Variants in NPAS3 observed in about 807,000 individuals in gnomAD.
NPAS3 encodes the protein neuronal PAS domain protein 3, also known as neuronal PAS domain-containing protein 3.
A neutral mutation model predicts 73.1 loss-of-function variants in NPAS3; 14 were observed. The ratio of observed to expected loss-of-function variants is 0.19; its 90% CI spans 0.13 to 0.30. The LOEUF (loss-of-function observed/expected upper bound fraction) is 0.30, where lower values mean the gene tolerates loss of function less well. Among genes scored for constraint, NPAS3 ranks in the 10% least tolerant of loss-of-function variants. The pLI, the probability that NPAS3 is intolerant of heterozygous loss-of-function variation, is 1.00. For synonymous variants in NPAS3, 620 were observed against 541.5 expected (o/e 1.14, Z -2.01); for missense variants, 1,096 against 1,250.0 (o/e 0.88, Z 1.86).
intron 5 of NPAS3, among the ~76,000 whole-genome samples, chr14:33,633,070 CA>C (rs1288539395): frequency 6.6e-6 from 1 of 152,128 alleles, no homozygotes; most frequent in Non-Finnish European, 1.5e-5. Context: ...TACAGTATAA[CA>C]ACTATTTACA....
rs551155406 is a variant in NPAS3, at chr14:33,062,521, C to G, written c.140+6527C>G. Among the ~76,000 whole-genome samples, 12 of 152,150 alleles carry G rather than the reference C, an allele frequency of 7.9e-5. No homozygotes were observed. The South Asian group carries it at 1.7e-3, about 21-fold the overall frequency. Reference sequence around the variant, plus strand: ...ATGCCAGAGAGTAAAAATGGATAGGCGCAGGCAGCATGATTTAGAATGAAA... The same window carrying G: ...ATGCCAGAGAGTAAAAATGGATAGGGGCAGGCAGCATGATTTAGAATGAAA... On this transcript the variant is annotated intron_variant, in intron 2 of 11. Transcript: ENST00000356141.
At chr14:33,133,753 T>C (rs2043727192) in intron 2 of NPAS3, among the ~76,000 whole-genome samples, 1 of 152,170 alleles carries the variant, frequency 6.6e-6, no homozygotes, top group Non-Finnish European at 1.5e-5. Context: ...TTCTATCTTA[T>C]GTGGCCTTTT....
At chr14:33,428,160 G>A (rs1482829460) in intron 4 of NPAS3, among the ~76,000 whole-genome samples, 1 of 152,142 alleles carries the variant, frequency 6.6e-6, no homozygotes. Flanking sequence ...CCAGAGAACT[G>A]ATCTAGTGCA....
chr14:33,246,570 G>T (rs2048390713), intron 3 of NPAS3, among the ~76,000 whole-genome samples: 1 of 149,884 alleles, frequency 6.7e-6, no homozygotes, highest in African/African-American at 2.4e-5. Flanking sequence ...AGAACTAAGT[G>T]CTCACTTGTT....
chr14:33,209,811 A>G (rs2046964852), intron 2 of NPAS3, among the ~76,000 whole-genome samples: 1 of 152,188 alleles, frequency 6.6e-6, no homozygotes. Flanking sequence ...AAAACCTGCC[A>G]TGCTCTTTTA....
At chr14:32,940,494 A>C (rs973681991) in intron 1 of NPAS3, among the ~76,000 whole-genome samples, 3 of 152,248 alleles carry the variant, frequency 2.0e-5, no homozygotes, top group African/African-American at 7.2e-5. Context: ...CAAAGTGGAT[A>C]TCTCTTTCTG....
At chr14:33,680,161 CCATCTTGGGATTATGA>C (rs1383649948) in intron 6 of NPAS3, among the ~76,000 whole-genome samples, 1 of 152,110 alleles carries the variant, frequency 6.6e-6, no homozygotes, top group Non-Finnish European at 1.5e-5. Flanking sequence ...AATGATTCTG[CCATCTTGGGATTATGA>C]GTACTATCCT....
intron 1 of NPAS3, among the ~76,000 whole-genome samples, chr14:32,949,769 C>T (rs983895777): frequency 2.0e-5 from 3 of 151,908 alleles, no homozygotes; most frequent in South Asian, 4.2e-4. Flanking sequence ...AAGTCCAGCC[C>T]TATGCTTTAT....
intron 2 of NPAS3, among the ~76,000 whole-genome samples, chr14:33,206,137 T>G (rs2046814363): frequency 6.6e-6 from 1 of 152,158 alleles, no homozygotes; most frequent in African/African-American, 2.4e-5. Context: ...AAATAAAAAT[T>G]TTATCAGTGA....
intron 1 of NPAS3, among the ~76,000 whole-genome samples, chr14:32,955,737 T>C (rs1320240057): frequency 6.6e-6 from 1 of 152,168 alleles, no homozygotes; most frequent in East Asian, 1.9e-4. Context: ...CAGTTCTAAT[T>C]CTGCCTATTG....
intron 4 of NPAS3, among the ~76,000 whole-genome samples, chr14:33,501,984 C>T (rs1405676708): frequency 6.6e-6 from 1 of 151,864 alleles, no homozygotes; most frequent in Non-Finnish European, 1.5e-5. Flanking sequence ...GCTCAAGTAT[C>T]ATTATTTCAT....
At chr14:32,994,545 G>A (rs942379115) in intron 1 of NPAS3, among the ~76,000 whole-genome samples, 8 of 150,526 alleles carry the variant, frequency 5.3e-5, no homozygotes, top group Middle Eastern at 3.5e-3. Context: ...GATGCAGGTT[G>A]CAAGATAACT....
chr14:33,698,208 A>G (rs377437471), intron 6 of NPAS3, among the ~76,000 whole-genome samples: 1 of 152,250 alleles, frequency 6.6e-6, no homozygotes, highest in Non-Finnish European at 1.5e-5. Flanking sequence ...ACAGGTGTCA[A>G]GAGACATGTA....
chr14:33,672,213 T>C (rs1388172948), intron 5 of NPAS3, among the ~76,000 whole-genome samples: 2 of 152,184 alleles, frequency 1.3e-5, no homozygotes, highest in Non-Finnish European at 2.9e-5. Context: ...CCGGCATTTA[T>C]ACAATCCCAT....
chr14:33,010,938 C>CAAAAAAAAAAAAAAAAAAA (rs77196350), intron 1 of NPAS3, among the ~76,000 whole-genome samples: 1 of 120,362 alleles, frequency 8.3e-6, no homozygotes, highest in Non-Finnish European at 1.7e-5. Flanking sequence ...GAACCTGTCT[C>CAAAAAAAAAAAAAAAAAAA]AAAAAAAAAA....
chr14:33,558,952 A>G (rs923490485), intron 4 of NPAS3, among the ~76,000 whole-genome samples: 7 of 152,086 alleles, frequency 4.6e-5, no homozygotes, highest in Admixed American at 3.9e-4. Flanking sequence ...GCAAAACAAA[A>G]GACATGCGGA....
rs542024702 is a variant in NPAS3 at position 33,120,802 on chromosome 14, G to C, written c.140+64808G>C. 2.0e-5 allele frequency among the ~76,000 whole-genome samples: 3 copies of C among 152,160 alleles called. No homozygotes were observed. The East Asian group carries it at 5.8e-4, about 29-fold the overall frequency. On this transcript the variant is annotated intron_variant, in intron 2 of 11. Transcript: ENST00000356141. ...TAAGGCTATGAGCCTCAAAATTAGA[G>C]AGAAAACTACACTAAAGGGGAAGGA...
At chr14:33,345,623 T>C (rs1369328624) in intron 3 of NPAS3, among the ~76,000 whole-genome samples, 1 of 152,174 alleles carries the variant, frequency 6.6e-6, no homozygotes, top group Non-Finnish European at 1.5e-5. Context: ...TAACTTCCTT[T>C]TCTTGTGTTC....
chr14:33,006,098 G>C (rs2038993632), intron 1 of NPAS3, among the ~76,000 whole-genome samples: 1 of 152,116 alleles, frequency 6.6e-6, no homozygotes, highest in Non-Finnish European at 1.5e-5. Context: ...TGGATCTCTG[G>C]AGCCTACTTG....
Sources: allele counts gnomAD v4.1 joint callset (sites outside exome capture counted in the v4.1 genomes callset), GRCh38; gene constraint gnomAD v4.1.1; transcripts MANE v1.5; gene names NCBI Gene and HGNC (gene_info 2026-07-23, HGNC 2026-07-21).